CDK13: variants seen among roughly 807,000 people sequenced by gnomAD.
The protein encoded by CDK13 is cyclin-dependent kinase 13.
Under a neutral mutation model 137.6 loss-of-function variants are expected in CDK13, and 40 were observed. The ratio of observed to expected loss-of-function variants is 0.29; its 90% CI spans 0.23 to 0.38. CDK13 has a LOEUF of 0.38. Among genes scored for constraint, CDK13 ranks in the 10% least tolerant of loss-of-function variants. The pLI is 1.00. For missense variants in CDK13, 1,704 were observed against 1,951.8 expected, an observed-to-expected ratio of 0.87 and a Z score of 2.39; for synonymous variants, 869 against 760.1, an observed-to-expected ratio of 1.14 and a Z score of -2.36.
At chr7:40,081,887 C>T (rs1786670666) in intron 11 of CDK13, among the ~76,000 whole-genome samples, 3 of 152,082 alleles carry the variant, frequency 2.0e-5, no homozygotes, top group Admixed American at 2.0e-4. Context: ...GCTGGGATTA[C>T]AGGTGTGAGC....
chr7:40,049,268 G>T (rs151278891), intron 7 of CDK13: 1 of 148,382 alleles, frequency 6.7e-6, no homozygotes, highest in African/African-American at 2.5e-5. Flanking sequence ...AGAAAGGAAA[G>T]AAAGTGTTCT....
chr7:40,016,424 C>T (rs1050716499), intron 5 of CDK13, among the ~76,000 whole-genome samples: 1 of 152,120 alleles, frequency 6.6e-6, no homozygotes, highest in African/African-American at 2.4e-5. Context: ...CCTATATGTA[C>T]TAGATGTCAC....
chr7:39,977,170 C>T (rs1432264273), intron 1 of CDK13, among the ~76,000 whole-genome samples: 1 of 151,968 alleles, frequency 6.6e-6, no homozygotes, highest in Non-Finnish European at 1.5e-5. Context: ...AGATGGAGGG[C>T]AAGATGATAT....
At position 39,988,915 on chromosome 7, in the gene CDK13, C is replaced by T. The variant is rs1784398511; in HGVS notation, c.1871+657C>T. Among the ~76,000 whole-genome samples, 3 of 151,596 alleles carry T rather than the reference C, an allele frequency of 2.0e-5. No individual in the cohort carries two copies. In the South Asian group the frequency reaches 6.3e-4, roughly 32 times the overall value. ...TGGCCAACATGGTGAAACCCCGTCTCTACTAAAAATACAAAAAACTTAGCT... is the reference window on the plus strand; with the variant it reads ...TGGCCAACATGGTGAAACCCCGTCTTTACTAAAAATACAAAAAACTTAGCT... On this transcript the variant is annotated intron_variant, in intron 2 of 13. Coordinates refer to ENST00000181839, the MANE Select transcript of CDK13 (RefSeq NM_003718.5).
At chr7:39,985,562 A>T (rs905417181) in intron 1 of CDK13, 24 of 152,262 alleles carry the variant, frequency 1.6e-4, no homozygotes, top group African/African-American at 5.5e-4. Context: ...TGTTCTTCAC[A>T]GTGGTTATAC....
At chr7:40,049,407 GTT>G (rs552235821) in intron 7 of CDK13, among the ~76,000 whole-genome samples, 3 of 139,744 alleles carry the variant, frequency 2.1e-5, no homozygotes, top group African/African-American at 7.6e-5. Flanking sequence ...TTGTATGAGT[GTT>G]TTTTTTTTTT....
In CDK13 at chr7:39,951,154, C is replaced by CG; in HGVS notation, c.518dup (p.Thr174AsnfsTer96). The CG allele has an allele frequency of 8.1e-7, 1 of 1,241,516 alleles. No individual in the cohort carries two copies. Among genetic ancestry groups the CG allele is most frequent in the South Asian group, 3.8e-5 (1 of 26,562 alleles). The allele number at this position is 1,241,516 out of a possible 1,614,324, so 76.9% of individuals were successfully genotyped here. Reference sequence around the variant, plus strand: ...GCGCGGCAACGGCGGCGACGGCTGCCGGGGGAACGGGGGGCAGCGGCGGGA... The same window carrying CG: ...GCGCGGCAACGGCGGCGACGGCTGCCGGGGGGAACGGGGGGCAGCGGCGGGA... On this transcript the variant is annotated frameshift_variant, in exon 1 of 14. Transcript: ENST00000181839. LOFTEE classifies it high-confidence loss of function.
At chr7:40,047,921 T>C (rs778486035) in intron 7 of CDK13, 44 bp downstream of exon 7, 1 of 1,197,528 alleles carries the variant, frequency 8.4e-7, no homozygotes, top group Non-Finnish European at 1.2e-6. Context: ...TAGAGTTTAG[T>C]ATTAGAAGCT....
At chr7:40,056,420 C>T (rs1348349854) in intron 7 of CDK13, among the ~76,000 whole-genome samples, 1 of 152,198 alleles carries the variant, frequency 6.6e-6, no homozygotes, top group African/African-American at 2.4e-5. Flanking sequence ...TGTTCTCTCC[C>T]TGGCTTTATC....
chr7:39,993,912 T>G (rs1349931622), intron 2 of CDK13, among the ~76,000 whole-genome samples: 1 of 152,124 alleles, frequency 6.6e-6, no homozygotes, highest in Non-Finnish European at 1.5e-5. Flanking sequence ...TGAAATTGCC[T>G]TAACAGTTTT....
At chr7:40,030,294 A>C (rs541947156) in intron 5 of CDK13, among the ~76,000 whole-genome samples, 1 of 149,878 alleles carries the variant, frequency 6.7e-6, no homozygotes, top group Non-Finnish European at 1.5e-5. Context: ...GAGAGAGAGA[A>C]AGTCATTCAG....
intron 5 of CDK13, among the ~76,000 whole-genome samples, chr7:40,039,355 G>A (rs1335287874): frequency 6.6e-6 from 1 of 150,860 alleles, no homozygotes; most frequent in Non-Finnish European, 1.5e-5. Context: ...TGCAACCTCC[G>A]CCTCCTGGCT....
At chr7:40,017,218 C>T (rs930519446) in intron 5 of CDK13, among the ~76,000 whole-genome samples, 4 of 151,966 alleles carry the variant, frequency 2.6e-5, no homozygotes, top group Non-Finnish European at 4.4e-5. Flanking sequence ...ATGAATATTT[C>T]GGTTATTGGT....
chr7:40,073,595 T>G, intron 9 of CDK13: 1 of 143,748 alleles, frequency 7.0e-6, no homozygotes, highest in South Asian at 2.2e-4. Flanking sequence ...TCTTTCTTTC[T>G]TTTTTTTTTT....
intron 4 of CDK13, among the ~76,000 whole-genome samples, chr7:39,999,886 GT>G (rs17537866): frequency 0.51 from 77,153 of 151,730 alleles, 20,571 homozygotes; most frequent in African/African-American, 0.68. Flanking sequence ...TTAGCCTTCA[GT>G]TTTTTTTCCT....
At chr7:40,028,232 T>G (rs949589614) in intron 5 of CDK13, among the ~76,000 whole-genome samples, 6 of 149,306 alleles carry the variant, frequency 4.0e-5, no homozygotes, top group Non-Finnish European at 3.0e-5. Flanking sequence ...TTTTTTTTTT[T>G]TTTTTGAGAT....
chr7:39,961,651 T>C (rs1427318373), intron 1 of CDK13, among the ~76,000 whole-genome samples: 2 of 151,936 alleles, frequency 1.3e-5, no homozygotes, highest in East Asian at 3.9e-4. Context: ...TTTTTTTAAT[T>C]ATACTTTAAG....
At chr7:39,967,696 T>C (rs1783902257) in intron 1 of CDK13, among the ~76,000 whole-genome samples, 1 of 152,182 alleles carries the variant, frequency 6.6e-6, no homozygotes. Flanking sequence ...GTAATTTACA[T>C]TCATACCAGC....
intron 5 of CDK13, among the ~76,000 whole-genome samples, chr7:40,014,974 GA>G (rs1333067460): frequency 1.3e-5 from 2 of 152,056 alleles, no homozygotes; most frequent in African/African-American, 4.8e-5. Context: ...GGGGTGAGTT[GA>G]ATTGAGAAGA....
Sources: allele counts gnomAD v4.1 joint callset (sites outside exome capture counted in the v4.1 genomes callset), GRCh38; gene constraint gnomAD v4.1.1; transcripts MANE v1.5; gene names NCBI Gene and HGNC (gene_info 2026-07-23, HGNC 2026-07-21).